GALNT9: variants seen among roughly 807,000 people sequenced by gnomAD.
GALNT9 encodes GalNAc transferase 9.
GALNT9 carries 47 observed loss-of-function variants against 63.1 expected under a neutral mutation model. The ratio of observed to expected loss-of-function variants is 0.75; its 90% CI spans 0.59 to 0.95. The LOEUF is 0.95. Ranked by LOEUF, GALNT9 falls within the 40% of genes least tolerant of loss-of-function variation. The pLI is 0.00. For synonymous variants in GALNT9, 396 were observed against 365.7 expected, an observed-to-expected ratio of 1.08 and a Z score of -0.94; for missense variants, 829 against 874.8, an observed-to-expected ratio of 0.95 and a Z score of 0.66.
At chr12:132,226,356 T>C (rs1332728262) in intron 6 of GALNT9, among the ~76,000 whole-genome samples, 7 of 139,718 alleles carry the variant, frequency 5.0e-5, no homozygotes, top group African/African-American at 1.9e-4. Context: ...TTATACCCCA[T>C]ATACACATCC....
At chr12:132,321,815 C>CCACACACCTGTCCCCT (rs1217897888) in intron 1 of GALNT9, among the ~76,000 whole-genome samples, 119 of 152,192 alleles carry the variant, frequency 7.8e-4, no homozygotes, top group African/African-American at 2.3e-3. Flanking sequence ...ACACAGGAGC[C>CCACACACCTGTCCCCT]CACACACCTG....
intron 1 of GALNT9, among the ~76,000 whole-genome samples, chr12:132,301,283 A>G (rs1881283695): frequency 6.6e-6 from 1 of 152,272 alleles, no homozygotes; most frequent in African/African-American, 2.4e-5. Context: ...CTCCACTTTC[A>G]GGAGAGGAAG....
chr12:132,304,263 G>A (rs1182386091), intron 1 of GALNT9, among the ~76,000 whole-genome samples: 8 of 46,188 alleles, frequency 1.7e-4, no homozygotes, highest in Admixed American at 2.4e-4. Flanking sequence ...ACCCTCACCC[G>A]GGCACACCCT....
At chr12:132,228,489 A>C (rs1238123869) in intron 6 of GALNT9, among the ~76,000 whole-genome samples, 1 of 149,624 alleles carries the variant, frequency 6.7e-6, no homozygotes, top group Non-Finnish European at 1.5e-5. Context: ...GCCAGTCAGC[A>C]CCTCCTCGCT....
intron 1 of GALNT9, among the ~76,000 whole-genome samples, chr12:132,291,028 A>G: frequency 1.3e-5 from 1 of 77,530 alleles, no homozygotes; most frequent in African/African-American, 4.4e-5. Flanking sequence ...ACCCACATCC[A>G]CAGCGCCCAC....
rs539784819 is a variant in GALNT9, at chr12:132,296,213, C to A, written c.239-9783G>T. On this transcript the variant is annotated intron_variant, in intron 1 of 10. Coordinates refer to ENST00000328957, the MANE Select transcript of GALNT9 (RefSeq NM_001122636.2). This position sits in a 1 kb window ranked among gnomAD's most constrained non-coding sequence, Gnocchi z 4.2. ...CTCCGAACAGGGAGAGTGTCCGTTT[C>A]TGTTGGTCTAAGCCACGCAGTCTGT... Among the ~76,000 whole-genome samples, 4 of 152,392 alleles carry A rather than the reference C, an allele frequency of 2.6e-5. 1 individual carries two copies. The South Asian group carries it at 8.3e-4, about 32-fold the overall frequency.
chr12:132,244,290 G>C (rs1171800352), intron 6 of GALNT9, among the ~76,000 whole-genome samples: 1 of 11,064 alleles, frequency 9.0e-5, no homozygotes, highest in African/African-American at 5.9e-4. Context: ...TGGACGGGGG[G>C]GCGTGGTGAT....
intron 1 of GALNT9, among the ~76,000 whole-genome samples, chr12:132,288,530 C>A (rs1223393874): frequency 6.6e-6 from 1 of 152,270 alleles, no homozygotes; most frequent in Non-Finnish European, 1.5e-5. Context: ...GAGAGAGAGA[C>A]ACCTCATCAT....
chr12:132,314,968 G>A (rs988285479), intron 1 of GALNT9, among the ~76,000 whole-genome samples: 14 of 152,184 alleles, frequency 9.2e-5, no homozygotes, highest in African/African-American at 2.7e-4. Flanking sequence ...ACCGGGTGCC[G>A]GGCGCTGCTC....
At chr12:132,229,388 T>A (rs1877813689) in intron 6 of GALNT9, among the ~76,000 whole-genome samples, 1 of 152,062 alleles carries the variant, frequency 6.6e-6, no homozygotes, top group South Asian at 2.1e-4. Flanking sequence ...CACTCAGGAG[T>A]CTGTTCAGCC....
chr12:132,211,459 C>T (rs1028554821), intron 6 of GALNT9, among the ~76,000 whole-genome samples: 3 of 152,188 alleles, frequency 2.0e-5, no homozygotes, highest in East Asian at 1.9e-4. Flanking sequence ...ACACCTCAGA[C>T]GCTGTCACCA....
At chr12:132,323,710 C>T (rs569607565) in intron 1 of GALNT9, among the ~76,000 whole-genome samples, 2 of 152,394 alleles carry the variant, frequency 1.3e-5, no homozygotes, top group East Asian at 1.9e-4. Flanking sequence ...ACGAACCAGC[C>T]TCATCGTCGG....
At chr12:132,292,381 C>T (rs1880893577) in intron 1 of GALNT9, among the ~76,000 whole-genome samples, 1 of 152,188 alleles carries the variant, frequency 6.6e-6, no homozygotes, top group Non-Finnish European at 1.5e-5. Context: ...CGGGATCTCC[C>T]TCCCCATCCC....
At chr12:132,263,021 C>T (rs1213647158) in intron 2 of GALNT9, among the ~76,000 whole-genome samples, 6 of 152,168 alleles carry the variant, frequency 3.9e-5, no homozygotes, top group African/African-American at 1.4e-4. Context: ...CGTCCCCGTT[C>T]CACAGACAGG....
At chr12:132,209,322 C>T (rs1013820440) in intron 6 of GALNT9, among the ~76,000 whole-genome samples, 19 of 151,944 alleles carry the variant, frequency 1.3e-4, no homozygotes, top group Non-Finnish European at 1.9e-4. Context: ...GTCAAGAGAT[C>T]GTGACCATCC....
rs747853052 is a variant in GALNT9, at chr12:132,197,115, G to A, written c.1804C>T (p.Arg602Trp). The change falls in exon 11 of 11, where the codon CGG (arginine) becomes TGG (tryptophan). Residue 602 changes from arginine to tryptophan, a missense_variant. Coordinates refer to ENST00000328957, the MANE Select transcript of GALNT9 (RefSeq NM_001122636.2). Reference sequence around the variant, plus strand: ...TCCGGGCGGAGGTGGGGTCAGTGCCGTGCGTGTTTGATCCAGTTTCTGATC... The same window carrying A: ...TCCGGGCGGAGGTGGGGTCAGTGCCATGCGTGTTTGATCCAGTTTCTGATC... ...WMIRNWIKHA[R>W]H 14 of 1,614,016 alleles carry A rather than the reference G, an allele frequency of 8.7e-6. No homozygotes were observed. Among genetic ancestry groups the A allele is most frequent in the East Asian group, 4.5e-5 (2 of 44,896 alleles).
chr12:132,307,795 A>G (rs868931129), intron 1 of GALNT9, among the ~76,000 whole-genome samples: 2 of 151,850 alleles, frequency 1.3e-5, no homozygotes, highest in Admixed American at 6.6e-5. Context: ...GATCACACCA[A>G]TGCACTCCAG....
At chr12:132,300,633 A>G (rs1881258713) in intron 1 of GALNT9, among the ~76,000 whole-genome samples, 1 of 140,726 alleles carries the variant, frequency 7.1e-6, no homozygotes, top group African/African-American at 2.8e-5. Context: ...TAACTAACCC[A>G]CTCCCACCAC....
At chr12:132,284,172 CA>C (rs1880489764) in intron 2 of GALNT9, 1 of 151,334 alleles carries the variant, frequency 6.6e-6, no homozygotes, top group African/African-American at 2.4e-5. Flanking sequence ...CACGTATACA[CA>C]CACACGCACA....
Sources: gnomAD v4.1 joint callset for allele counts (sites outside exome capture counted in the v4.1 genomes callset) on GRCh38, gnomAD v4.1.1 for gene constraint, Gnocchi (gnomAD v3.1) non-coding constraint, MANE v1.5 for transcripts, NCBI Gene and HGNC (gene_info 2026-07-23, HGNC 2026-07-21) for gene names.